Variants in DENND4C observed in about 807,000 individuals in gnomAD.
DENND4C encodes the protein DENN domain-containing protein 4C.
Under a neutral mutation model 203.0 loss-of-function variants are expected in DENND4C, and 108 were observed. The observed-to-expected ratio is 0.53, with a 90% CI of 0.46 to 0.62. The LOEUF (loss-of-function observed/expected upper bound fraction) is 0.62. Ranked by LOEUF, DENND4C falls within the 20% of genes least tolerant of loss-of-function variation. The pLI is 0.00. For synonymous variants in DENND4C, 871 were observed against 792.4 expected (o/e 1.10, Z -1.67); for missense variants, 2,481 against 2,301.2 (o/e 1.08, Z -1.60).
At chr9:19,362,768 T>G (rs1826777715) in intron 30 of DENND4C, among the ~76,000 whole-genome samples, 1 of 152,260 alleles carries the variant, frequency 6.6e-6, no homozygotes, top group South Asian at 2.1e-4. Flanking sequence ...GGTTACTGAC[T>G]GGTCTTAAGG....
intron 23 of DENND4C, among the ~76,000 whole-genome samples, chr9:19,349,716 C>T (rs1018317573): frequency 4.6e-5 from 7 of 152,022 alleles, no homozygotes; most frequent in Non-Finnish European, 1.0e-4. Context: ...AAGATTGAAG[C>T]ATTTTGAATG....
At chr9:19,303,485 A>G (rs1839017406) in intron 9 of DENND4C, among the ~76,000 whole-genome samples, 1 of 152,152 alleles carries the variant, frequency 6.6e-6, no homozygotes, top group Admixed American at 6.5e-5. Context: ...CAGAGACAAT[A>G]TGGTTCACAA....
At chr9:19,243,675 T>A (rs1824354606) in intron 1 of DENND4C, among the ~76,000 whole-genome samples, 1 of 152,226 alleles carries the variant, frequency 6.6e-6, no homozygotes, top group Non-Finnish European at 1.5e-5. Context: ...CCAGTAGTAC[T>A]TCATTCCTTT....
At chr9:19,295,500 A>G (rs1429096817) in intron 5 of DENND4C, among the ~76,000 whole-genome samples, 2 of 151,530 alleles carry the variant, frequency 1.3e-5, no homozygotes, top group Non-Finnish European at 2.9e-5. Context: ...GCAAGACTCC[A>G]TCTCAAAAAA....
At position 19,298,138 on chromosome 9, in the gene DENND4C, T is replaced by A. The variant is rs772634910; in HGVS notation, c.1107+16T>A. 1 of 1,602,040 alleles carries A rather than the reference T, an allele frequency of 6.2e-7. No individual in the cohort carries two copies. ...CCTTGTCCAGGTAATCAAAAGAGAG[T>A]ATATTTGGGGAGAACTTTGCATATG... is the stretch of plus-strand genomic sequence containing the variant. On this transcript the variant is annotated intron_variant, in intron 7 of 32. Coordinates refer to ENST00000434457, the MANE Select transcript of DENND4C (RefSeq NM_001330640.2).
intron 10 of DENND4C, among the ~76,000 whole-genome samples, chr9:19,310,701 A>G (rs1383789936): frequency 6.6e-6 from 1 of 152,196 alleles, no homozygotes; most frequent in Admixed American, 6.5e-5. Flanking sequence ...ATCTTCTTAT[A>G]GTTGATAAGC....
intron 5 of DENND4C, chr9:19,292,655 C>T (rs1443857046): frequency 6.6e-6 from 1 of 151,656 alleles, no homozygotes; most frequent in Non-Finnish European, 1.5e-5. Context: ...AAGCGATTCT[C>T]CTGCCTTGGC....
At chr9:19,257,632 T>C (rs1471180244) in intron 1 of DENND4C, among the ~76,000 whole-genome samples, 2 of 151,982 alleles carry the variant, frequency 1.3e-5, no homozygotes, top group Non-Finnish European at 2.9e-5. Flanking sequence ...TTTAAAATGG[T>C]TAAACTTCTA....
At chr9:19,357,620 ATTGTACTTAT>A (rs1825692509) in intron 27 of DENND4C, 1 of 219,028 alleles carries the variant, frequency 4.6e-6, no homozygotes, top group Admixed American at 5.1e-5. Context: ...CAGTGTCTTT[ATTGTACTTAT>A]TTGCATATAG....
chr9:19,250,410 A>G (rs910945302), intron 1 of DENND4C, among the ~76,000 whole-genome samples: 1 of 152,120 alleles, frequency 6.6e-6, no homozygotes, highest in Non-Finnish European at 1.5e-5. Flanking sequence ...TAGTTTTTGT[A>G]GAAATGGGGT....
intron 12 of DENND4C, among the ~76,000 whole-genome samples, 178 bp from the exon 13 acceptor site, chr9:19,324,184 T>G (rs1160639563): frequency 6.6e-6 from 1 of 152,042 alleles, no homozygotes; most frequent in East Asian, 1.9e-4. Flanking sequence ...TCTGAAACAC[T>G]TTTGGTCCCA....
At chr9:19,242,721 T>G (rs752107079) in intron 1 of DENND4C, among the ~76,000 whole-genome samples, 2 of 152,008 alleles carry the variant, frequency 1.3e-5, no homozygotes, top group Non-Finnish European at 2.9e-5. Context: ...AATGGCGAGA[T>G]CTCGGCTCAC....
At chr9:19,363,749 G>T (rs1021653838) in intron 30 of DENND4C, among the ~76,000 whole-genome samples, 1 of 152,076 alleles carries the variant, frequency 6.6e-6, no homozygotes, top group Non-Finnish European at 1.5e-5. Flanking sequence ...GGTGGCTCAT[G>T]CCTGTAATCC....
intron 1 of DENND4C, among the ~76,000 whole-genome samples, chr9:19,261,450 C>T (rs1481749760): frequency 1.4e-5 from 2 of 143,032 alleles, no homozygotes; most frequent in Admixed American, 7.0e-5. Context: ...GTAGTATGGA[C>T]TTTTTTTTTT....
intron 10 of DENND4C, among the ~76,000 whole-genome samples, chr9:19,309,456 T>A (rs1243021805): frequency 1.3e-5 from 2 of 152,050 alleles, no homozygotes; most frequent in African/African-American, 4.8e-5. Context: ...TAGTGGTGGT[T>A]ACACAATTCC....
intron 10 of DENND4C, among the ~76,000 whole-genome samples, chr9:19,310,231 T>A (rs1182615125): frequency 1.3e-5 from 2 of 152,240 alleles, no homozygotes; most frequent in African/African-American, 4.8e-5. Context: ...TAATGTATTT[T>A]AAAATTTTTT....
chr9:19,336,227 A>T (rs1820440391), intron 18 of DENND4C, 43 bp from the exon 19 acceptor site: 1 of 1,578,148 alleles, frequency 6.3e-7, no homozygotes, highest in Non-Finnish European at 8.6e-7. Flanking sequence ...TTAAAATCAG[A>T]TATTGCTAAT....
intron 3 of DENND4C, among the ~76,000 whole-genome samples, chr9:19,287,320 G>A (rs1268871855): frequency 6.6e-6 from 1 of 152,182 alleles, no homozygotes; most frequent in African/African-American, 2.4e-5. Context: ...CAACTGTGGG[G>A]TTAGAGTGGG....
Position 19,329,073 on chromosome 9 carries a change from T to A in DENND4C, c.2253+911T>A, listed in dbSNP as rs142429894. Among the ~76,000 whole-genome samples the A allele has an allele frequency of 7.2e-3, 1,103 of 152,228 alleles. 16 individuals carry two copies. The highest frequency in any genetic ancestry group is 0.026 in the African/African-American group (1,066 of 41,532). ...TTAGAAAACTTAATTAAAATATAATTCATATACCATACAGCATACCCACTT... is the reference window on the plus strand; with the variant it reads ...TTAGAAAACTTAATTAAAATATAATACATATACCATACAGCATACCCACTT... On this transcript the variant is annotated intron_variant, in intron 16 of 32. Transcript: ENST00000434457.
Sources: gnomAD v4.1 joint callset for allele counts (sites outside exome capture counted in the v4.1 genomes callset) on GRCh38, gnomAD v4.1.1 for gene constraint, MANE v1.5 for transcripts, NCBI Gene and HGNC (gene_info 2026-07-23, HGNC 2026-07-21) for gene names.